Variants in STK10 observed in about 807,000 individuals in gnomAD.
STK10 encodes the protein serine/threonine kinase 10.
STK10 carries 78 observed loss-of-function variants against 113.8 expected under a neutral mutation model. The ratio of observed to expected loss-of-function variants is 0.69; its 90% CI spans 0.57 to 0.83. The LOEUF is 0.83. Among genes scored for constraint, STK10 ranks in the 40% least tolerant of loss-of-function variants. STK10 has a pLI of 0.00. For missense variants in STK10, 1,109 were observed against 1,280.1 expected (o/e 0.87, Z 2.04); for synonymous variants, 465 against 494.7 (o/e 0.94, Z 0.80).
At chr5:172,148,583 C>G (rs1364688133) in intron 2 of STK10, among the ~76,000 whole-genome samples, 1 of 152,364 alleles carries the variant, frequency 6.6e-6, no homozygotes, top group East Asian at 1.9e-4. Flanking sequence ...GCACCCGGGT[C>G]ACTGCCCAAG....
At chr5:172,156,929 C>T in intron 1 of STK10, 141 bp from the exon 2 acceptor site, 1 of 902,004 alleles carries the variant, frequency 1.1e-6, no homozygotes, top group East Asian at 2.6e-5. Context: ...TTGTTCTTAA[C>T]AATAGCCACA....
intron 2 of STK10, among the ~76,000 whole-genome samples, chr5:172,149,318 C>A (rs375014847): frequency 1.3e-5 from 2 of 152,220 alleles, no homozygotes; most frequent in African/African-American, 4.8e-5. Flanking sequence ...GTTACCACCC[C>A]CTGCCTCCTG....
chr5:172,123,891 G>A (rs1769567000), intron 3 of STK10, among the ~76,000 whole-genome samples: 1 of 152,092 alleles, frequency 6.6e-6, no homozygotes, highest in African/African-American at 2.4e-5. Flanking sequence ...GTGGGGCCAA[G>A]AGTTGGAGAA....
At chr5:172,127,939 T>C (rs1033986375) in intron 2 of STK10, among the ~76,000 whole-genome samples, 1 of 152,104 alleles carries the variant, frequency 6.6e-6, no homozygotes, top group African/African-American at 2.4e-5. Flanking sequence ...ATGGAGAAAC[T>C]GAGGCCAAAA....
At chr5:172,050,457 T>G (rs1767603366) in intron 18 of STK10, among the ~76,000 whole-genome samples, 2 of 152,116 alleles carry the variant, frequency 1.3e-5, no homozygotes, top group Non-Finnish European at 2.9e-5. Flanking sequence ...CTTGGGAGGC[T>G]GAGACAGGAG....
At chr5:172,162,298 A>G (rs1014947532) in intron 1 of STK10, among the ~76,000 whole-genome samples, 5 of 152,108 alleles carry the variant, frequency 3.3e-5, no homozygotes, top group African/African-American at 1.2e-4. Flanking sequence ...CGACTGCGCC[A>G]CTGCACTCCA....
chr5:172,153,318 A>AGAGAGAGAGAGAGAGAGAGAGAGAG (rs1561828316), intron 2 of STK10, among the ~76,000 whole-genome samples: 2 of 119,836 alleles, frequency 1.7e-5, no homozygotes, highest in African/African-American at 7.5e-5. Flanking sequence ...GAAAGAAAGA[A>AGAGAGAGAGAGAGAGAGAGAGAGAG]AGAAAGAAAT....
chr5:172,158,894 G>T (rs1278815434), intron 1 of STK10, among the ~76,000 whole-genome samples: 1 of 152,172 alleles, frequency 6.6e-6, no homozygotes, highest in Non-Finnish European at 1.5e-5. Context: ...AAGGGGAAAT[G>T]GGGAGTTATT....
intron 1 of STK10, among the ~76,000 whole-genome samples, chr5:172,159,524 A>G (rs944536505): frequency 6.6e-6 from 1 of 152,180 alleles, no homozygotes; most frequent in Non-Finnish European, 1.5e-5. Flanking sequence ...CCTGGGTGAC[A>G]GGAAAAAAAG....
chr5:172,188,085 T>C lies in STK10; in HGVS notation c.-43A>G. On this transcript the variant is annotated 5_prime_UTR_variant, in exon 1 of 19. Transcript: ENST00000176763. This position sits in a 1 kb window ranked among gnomAD's most constrained non-coding sequence, Gnocchi z 5.6. ...CGCCGGCTCGGGCTCGGGCTCGGGC[T>C]CGGGCTGTGGCTTCGGCGGCCGCGA... is the stretch of plus-strand genomic sequence containing the variant. 1 of 1,596,196 alleles carries C rather than the reference T, an allele frequency of 6.3e-7. No homozygotes were observed. Among genetic ancestry groups the C allele is most frequent in the South Asian group, 1.1e-5 (1 of 89,664 alleles).
chr5:172,148,210 C>T (rs560487238), intron 2 of STK10, among the ~76,000 whole-genome samples: 4 of 152,226 alleles, frequency 2.6e-5, no homozygotes, highest in African/African-American at 7.2e-5. Flanking sequence ...CACGAAGAGG[C>T]GTGTCTGGGG....
intron 16 of STK10, among the ~76,000 whole-genome samples, chr5:172,054,931 C>T (rs368664834): frequency 5.9e-5 from 9 of 152,318 alleles, no homozygotes; most frequent in South Asian, 4.1e-4. Flanking sequence ...ATGTGACACA[C>T]GCCAGGAAAG....
At chr5:172,070,878 G>A (rs923813831) in intron 12 of STK10, among the ~76,000 whole-genome samples, 1 of 152,038 alleles carries the variant, frequency 6.6e-6, no homozygotes, top group African/African-American at 2.4e-5. Context: ...GTATTAAAAT[G>A]AAATCTACAA....
chr5:172,183,203 T>A (rs1287479354), intron 1 of STK10, among the ~76,000 whole-genome samples: 1 of 152,054 alleles, frequency 6.6e-6, no homozygotes, highest in East Asian at 1.9e-4. Flanking sequence ...TAAGACACTG[T>A]CTCTAAAAAC....
At chr5:172,111,784 G>A (rs755339282) in intron 4 of STK10, among the ~76,000 whole-genome samples, 3 of 152,192 alleles carry the variant, frequency 2.0e-5, no homozygotes, top group African/African-American at 4.8e-5. Context: ...TCCCTGGCAC[G>A]TTATCTGGAG....
At chr5:172,108,540 C>CG (rs896964189) in intron 4 of STK10, among the ~76,000 whole-genome samples, 1 of 149,842 alleles carries the variant, frequency 6.7e-6, no homozygotes, top group Non-Finnish European at 1.5e-5. Context: ...CGCTTGAACC[C>CG]GGGAGGTGGA....
At chr5:172,157,725 G>A (rs893183395) in intron 1 of STK10, among the ~76,000 whole-genome samples, 2 of 151,892 alleles carry the variant, frequency 1.3e-5, no homozygotes, top group African/African-American at 2.4e-5. Context: ...CCGAGAACTG[G>A]AACTACAGAT....
At chr5:172,097,708 C>T (rs1471764348) in intron 7 of STK10, among the ~76,000 whole-genome samples, 1 of 152,188 alleles carries the variant, frequency 6.6e-6, no homozygotes, top group Non-Finnish European at 1.5e-5. Flanking sequence ...ATGAATAAAG[C>T]TGCAAGAGAC....
chr5:172,122,132 C>T (rs896675135), intron 3 of STK10, among the ~76,000 whole-genome samples: 1 of 152,202 alleles, frequency 6.6e-6, no homozygotes, highest in African/African-American at 2.4e-5. Flanking sequence ...TTCCTAAGTG[C>T]TGGGATCACA....
Sources: allele counts gnomAD v4.1 joint callset (sites outside exome capture counted in the v4.1 genomes callset), GRCh38; gene constraint gnomAD v4.1.1; non-coding constraint Gnocchi (gnomAD v3.1); transcripts MANE v1.5; gene names NCBI Gene and HGNC (gene_info 2026-07-23, HGNC 2026-07-21).